UBXN2B: variants seen among roughly 807,000 people sequenced by gnomAD.
UBXN2B encodes UBX domain protein 2B.
Under a neutral mutation model 37.5 loss-of-function variants are expected in UBXN2B, and 19 were observed. That is an observed-to-expected ratio of 0.51 (90% CI 0.35 to 0.74). The LOEUF is 0.74. UBXN2B is among the 30% of genes least tolerant of loss of function. The pLI is 0.01. For missense variants in UBXN2B, 370 were observed against 393.2 expected (o/e 0.94, Z 0.50); for synonymous variants, 145 against 143.8 (o/e 1.01, Z -0.06).
chr8:58,451,048 C>T lies in UBXN2B; in HGVS notation c.*3497C>T, dbSNP rs115313265. On this transcript the variant is annotated 3_prime_UTR_variant, in exon 8 of 8. Coordinates refer to ENST00000399598, the MANE Select transcript of UBXN2B (RefSeq NM_001077619.2). ...TTTTTCATGGGTCAAAATCATCTTC[C>T]GAAGAAAATGATTTCTTAAAAGAAT... is the stretch of plus-strand genomic sequence containing the variant. 0.027 allele frequency: 4,094 copies of T among 152,584 alleles called. 202 individuals carry two copies. The highest frequency in any genetic ancestry group is 0.23 in the East Asian group (1,173 of 5,174). The allele number at this position is 152,584 out of a possible 1,614,324, so 9.5% of individuals were successfully genotyped here. A position where few individuals can be genotyped will look rare whatever the true frequency, so the allele number is the denominator to read the frequency against.
chr8:58,439,006 T>C (rs1392896577), intron 5 of UBXN2B, among the ~76,000 whole-genome samples: 2 of 152,138 alleles, frequency 1.3e-5, no homozygotes, highest in African/African-American at 4.8e-5. Flanking sequence ...GGTTGTTTAA[T>C]AGCCTGGAAC....
At chr8:58,424,824 C>T in intron 2 of UBXN2B, 1 of 1,437,150 alleles carries the variant, frequency 7.0e-7, no homozygotes, top group Non-Finnish European at 9.8e-7. Context: ...GCTGGACCGC[C>T]ATATAGATAA....
At chr8:58,415,959 G>A (rs1022394742) in intron 1 of UBXN2B, among the ~76,000 whole-genome samples, 1 of 151,708 alleles carries the variant, frequency 6.6e-6, no homozygotes, top group African/African-American at 2.4e-5. Flanking sequence ...GTTCTTCTTG[G>A]AGGTAGTTTT....
intron 5 of UBXN2B, among the ~76,000 whole-genome samples, chr8:58,435,849 A>G (rs1441846678): frequency 6.6e-6 from 1 of 152,308 alleles, no homozygotes; most frequent in Middle Eastern, 3.4e-3. Context: ...GAGTAATGTC[A>G]GGTAGTGGTT....
In UBXN2B at chr8:58,434,057, T is replaced by C. The variant is rs182860926; in HGVS notation, c.424-338T>C. Among the ~76,000 whole-genome samples, 369 of 152,210 alleles carry C rather than the reference T, an allele frequency of 2.4e-3. 3 individuals are homozygous for C. The highest frequency in any genetic ancestry group is 8.5e-3 in the African/African-American group (353 of 41,544). On this transcript the variant is annotated intron_variant, in intron 4 of 7. Coordinates refer to ENST00000399598, the MANE Select transcript of UBXN2B (RefSeq NM_001077619.2). ...TGAAGGAAAATGAAGGAAGTGGGAATCATGGAGTACAGCTCTTCTCATTGC... is the reference window on the plus strand; with the variant it reads ...TGAAGGAAAATGAAGGAAGTGGGAACCATGGAGTACAGCTCTTCTCATTGC...
chr8:58,421,823 G>A (rs1351321221), intron 2 of UBXN2B, among the ~76,000 whole-genome samples: 2 of 152,150 alleles, frequency 1.3e-5, no homozygotes, highest in Non-Finnish European at 2.9e-5. Context: ...CTTGGCCTAA[G>A]GTTACATAAG....
chr8:58,430,593 T>G lies in UBXN2B; in HGVS notation c.263T>G (p.Leu88Arg). Reference sequence around the variant, plus strand: ...TCAACTGGGAAAATTGTGAATGAACTTTTCAAAGAGGCAAGGGAACATGGG... The same window carrying G: ...TCAACTGGGAAAATTGTGAATGAACGTTTCAAAGAGGCAAGGGAACATGGG... ...RPSTGKIVNE[L>R]FKEAREHGAV... is the part of the protein sequence containing the mutation. Residue 88 changes from leucine (L) to arginine (R), a missense_variant, in exon 3 of 8, where the codon CTT becomes CGT. This residue lies in a region of UBXN2B where 197 missense variants were observed against 170.2 expected (regional missense o/e 1.16). Transcript: ENST00000399598. 1 of 1,605,862 alleles carries G rather than the reference T, an allele frequency of 6.2e-7. No homozygotes were observed. Among genetic ancestry groups the G allele is most frequent in the Non-Finnish European group, 8.5e-7 (1 of 1,175,400 alleles).
intron 2 of UBXN2B, among the ~76,000 whole-genome samples, chr8:58,423,099 T>C (rs912793303): frequency 6.6e-6 from 1 of 151,780 alleles, no homozygotes; most frequent in South Asian, 2.1e-4. Context: ...ATCATCATCA[T>C]CATCATCATC....
chr8:58,426,256 G>C (rs1309310960), intron 2 of UBXN2B: 2 of 536,236 alleles, frequency 3.7e-6, no homozygotes, highest in Non-Finnish European at 3.3e-6. Flanking sequence ...ACCCAGGCTG[G>C]AGTGCAGTGG....
chr8:58,420,468 C>T lies in UBXN2B; in HGVS notation c.188+3515C>T, dbSNP rs933333499. ...ATATTATCAACATTTACATGATTCA[C>T]ATCAAAATGATGACATCCTAAAACA... On this transcript the variant is annotated intron_variant, in intron 2 of 7. Transcript: ENST00000399598. 2.6e-4 allele frequency among the ~76,000 whole-genome samples: 40 copies of T among 152,290 alleles called. 1 individual carries two copies. Among genetic ancestry groups the T allele is most frequent in the African/African-American group, 9.4e-4 (39 of 41,560 alleles).
chr8:58,450,353 A>G lies in UBXN2B; in HGVS notation c.*2802A>G, dbSNP rs1808775708. ...TCCTCAGCTAAATATTGAAGTCATC[A>G]CTTAAAAGTTCTGCTTTACACATAA... On this transcript the variant is annotated 3_prime_UTR_variant, in exon 8 of 8. Transcript: ENST00000399598. 1.3e-5 allele frequency: 2 copies of G among 152,196 alleles called. No homozygotes were observed. Among genetic ancestry groups the G allele is most frequent in the Admixed American group, 6.5e-5 (1 of 15,272 alleles). 9.4% of individuals were successfully genotyped at this position (152,196 alleles called of 1,614,324 possible).
At chr8:58,426,728 T>C in intron 2 of UBXN2B, 1 of 663,956 alleles carries the variant, frequency 1.5e-6, no homozygotes, top group Non-Finnish European at 2.8e-6. Flanking sequence ...CGTTCCTTGC[T>C]CAGGCTCCAC....
intron 1 of UBXN2B, among the ~76,000 whole-genome samples, chr8:58,415,429 G>GTC (rs762506712): frequency 1.5e-3 from 226 of 152,022 alleles, no homozygotes; most frequent in Non-Finnish European, 2.9e-3. Context: ...GTGCATGTCT[G>GTC]TCTCTCTCTC....
At chr8:58,429,315 A>G (rs1301948459) in intron 2 of UBXN2B, among the ~76,000 whole-genome samples, 1 of 152,172 alleles carries the variant, frequency 6.6e-6, no homozygotes, top group African/African-American at 2.4e-5. Flanking sequence ...GCTCCCTAAA[A>G]TAATCTGCTT....
intron 2 of UBXN2B, 65 bp downstream of exon 2, chr8:58,417,018 A>T: frequency 2.4e-6 from 3 of 1,235,976 alleles, no homozygotes; most frequent in Non-Finnish European, 3.3e-6. Flanking sequence ...TACTAACTTC[A>T]AATTATTTTA....
chr8:58,445,375 A>T (rs1453856590), intron 6 of UBXN2B, among the ~76,000 whole-genome samples: 1 of 152,222 alleles, frequency 6.6e-6, no homozygotes, highest in Non-Finnish European at 1.5e-5. Flanking sequence ...AATGATATTA[A>T]CCAAGTCCAA....
chr8:58,448,772 C>T lies in UBXN2B; in HGVS notation c.*1221C>T, dbSNP rs2129604792. The T allele has an allele frequency of 1.3e-5, 2 of 152,588 alleles. No individual in the cohort carries two copies. The highest frequency in any genetic ancestry group is 1.3e-4 in the Admixed American group (2 of 15,262). The allele number at this position is 152,588 out of a possible 1,614,324, so 9.5% of individuals were successfully genotyped here. A position where few individuals can be genotyped will look rare whatever the true frequency, so the allele number is the denominator to read the frequency against. ...TGAAGCCAGAAGCTTTTCCTTCTTC[C>T]TAGACACCATTTCATCCTTAATTAT... On this transcript the variant is annotated 3_prime_UTR_variant, in exon 8 of 8. Transcript: ENST00000399598.
Position 58,411,423 on chromosome 8 carries a change from A to AG in UBXN2B, c.39dup (p.Arg14GlufsTer23), listed in dbSNP as rs1807632661. Reference sequence around the variant, plus strand: ...GGAGGCCCTGAGCCCGGCGAGCAGGAGAGGAGGTCTTCCGGGCCGCGGCCT... The same window carrying AG: ...GGAGGCCCTGAGCCCGGCGAGCAGGAGGAGGAGGTCTTCCGGGCCGCGGCCT... On this transcript the variant is annotated frameshift_variant, in exon 1 of 8. Coordinates refer to ENST00000399598, the MANE Select transcript of UBXN2B (RefSeq NM_001077619.2). LOFTEE classifies it high-confidence loss of function. 7.9e-7 allele frequency: 1 copy of AG among 1,267,756 alleles called. No homozygotes were observed. The highest frequency in any genetic ancestry group is 1.5e-5 in the African/African-American group (1 of 64,524). The allele number at this position is 1,267,756 out of a possible 1,614,324, so 78.5% of individuals were successfully genotyped here. A position where few individuals can be genotyped will look rare whatever the true frequency, so the allele number is the denominator to read the frequency against.
At chr8:58,416,685 A>C (rs1807791411) in intron 1 of UBXN2B, among the ~76,000 whole-genome samples, 165 bp from the exon 2 acceptor site, 1 of 152,204 alleles carries the variant, frequency 6.6e-6, no homozygotes, top group Non-Finnish European at 1.5e-5. Flanking sequence ...CTATATAATG[A>C]GATGCAGTAA....
Sources: allele counts gnomAD v4.1 joint callset (sites outside exome capture counted in the v4.1 genomes callset), GRCh38; gene constraint gnomAD v4.1.1; regional missense constraint gnomAD v4.1.1; transcripts MANE v1.5; gene names NCBI Gene and HGNC (gene_info 2026-07-23, HGNC 2026-07-21).